The following SETD2 variants were observed in gnomAD, a reference collection of about 807,000 sequenced individuals.
SETD2 encodes SET domain containing 2, histone lysine methyltransferase, also known as histone-lysine N-methyltransferase SETD2.
Under a neutral mutation model 242.1 loss-of-function variants are expected in SETD2, and 31 were observed. That is an observed-to-expected ratio of 0.13 (90% CI 0.10 to 0.17). The LOEUF is 0.17. SETD2 is among the 10% of genes least tolerant of loss of function. The pLI, the probability that SETD2 is intolerant of heterozygous loss-of-function variation, is 1.00. For synonymous variants in SETD2, 1,006 were observed against 1,066.5 expected, an observed-to-expected ratio of 0.94 and a Z score of 1.11; for missense variants, 2,481 against 3,046.3, an observed-to-expected ratio of 0.81 and a Z score of 4.37.
rs1028726034 is a variant in SETD2, at chr3:47,127,982, G to GTC, written c.72-1321_72-1320dup. Among the ~76,000 whole-genome samples the GTC allele has an allele frequency of 5.1e-4, 64 of 125,612 alleles. 1 individual carries two copies. The highest frequency in any genetic ancestry group is 2.2e-4 in the Non-Finnish European group (13 of 60,082). 82.4% of individuals were successfully genotyped at this position (125,612 alleles called of 152,430 possible). On this transcript the variant is annotated intron_variant, in intron 1 of 20. Coordinates refer to ENST00000409792, the MANE Select transcript of SETD2 (RefSeq NM_014159.7). ...AGTCTGAGCAACTGAGTGAAAACCTGTCTCTCTCTCTCACACACACACACA... is the reference window on the plus strand; with the variant it reads ...AGTCTGAGCAACTGAGTGAAAACCTGTCTCTCTCTCTCTCACACACACACACA...
intron 1 of SETD2, among the ~76,000 whole-genome samples, chr3:47,160,034 T>C (rs1213215501): frequency 2.0e-5 from 3 of 152,000 alleles, no homozygotes; most frequent in Non-Finnish European, 4.4e-5. Flanking sequence ...TACACCTTCT[T>C]GCTCATTCCA....
At chr3:47,115,597 G>A (rs1054076388) in intron 4 of SETD2, among the ~76,000 whole-genome samples, 2 of 152,000 alleles carry the variant, frequency 1.3e-5, no homozygotes, top group African/African-American at 4.8e-5. Flanking sequence ...CAAAAATAAG[G>A]TATACTCTTT....
At position 47,046,608 on chromosome 3, in the gene SETD2, G is replaced by A. The variant is rs867369702; in HGVS notation, c.6977C>T (p.Pro2326Leu). 1.9e-6 allele frequency: 3 copies of A among 1,610,740 alleles called. No individual in the cohort carries two copies. The South Asian group carries it at 3.3e-5, about 18-fold the overall frequency. ...TPPIVQSYAQ[P>L]SLQYIQGQQI... ...TTGCCCCTGGATATACTGAAGACTTGGCTGGGCATAACTCTAAAAGATAAA... is the reference window on the plus strand; with the variant it reads ...TTGCCCCTGGATATACTGAAGACTTAGCTGGGCATAACTCTAAAAGATAAA... Residue 2326 changes from proline (P) to leucine (L), a missense_variant, in exon 16 of 21, where the codon CCA becomes CTA. Pro to Leu is a moderately conservative substitution (Grantham distance 98). Transcript: ENST00000409792.
intron 1 of SETD2, among the ~76,000 whole-genome samples, chr3:47,132,131 CTT>C (rs531246872): frequency 2.2e-4 from 28 of 129,524 alleles, no homozygotes; most frequent in Non-Finnish European, 1.5e-4. Context: ...ATACACATAT[CTT>C]TTTTTTTTTT....
chr3:47,070,312 C>T (rs1203631057), intron 12 of SETD2, among the ~76,000 whole-genome samples: 3 of 152,144 alleles, frequency 2.0e-5, no homozygotes, highest in Admixed American at 1.3e-4. Flanking sequence ...TTACTGTGTG[C>T]CTAATCACAT....
At chr3:47,047,540 T>C (rs1575684290) in intron 15 of SETD2, among the ~76,000 whole-genome samples, 1 of 152,238 alleles carries the variant, frequency 6.6e-6, no homozygotes, top group African/African-American at 2.4e-5. Context: ...AAACATCAAA[T>C]GCTAAGTACT....
At chr3:47,053,133 C>G (rs1297761959) in intron 15 of SETD2, among the ~76,000 whole-genome samples, 1 of 152,034 alleles carries the variant, frequency 6.6e-6, no homozygotes. Context: ...GGTGATCTGC[C>G]CACCTTGGCC....
chr3:47,101,959 T>C (rs150613016), intron 7 of SETD2, among the ~76,000 whole-genome samples: 195 of 152,310 alleles, frequency 1.3e-3, no homozygotes, highest in African/African-American at 4.5e-3. Context: ...TATTAACATA[T>C]GTTAAAAGTA....
chr3:47,134,691 A>T (rs1327788499), intron 1 of SETD2, among the ~76,000 whole-genome samples: 1 of 151,610 alleles, frequency 6.6e-6, no homozygotes, highest in African/African-American at 2.4e-5. Flanking sequence ...GTGCAATGGC[A>T]CGATCTTGGC....
intron 1 of SETD2, among the ~76,000 whole-genome samples, chr3:47,137,132 C>G (rs1456414579): frequency 2.0e-5 from 3 of 152,128 alleles, no homozygotes; most frequent in African/African-American, 7.2e-5. Flanking sequence ...CTTTGAGATT[C>G]TCCCATCATT....
At position 47,163,899 on chromosome 3, in the gene SETD2, G is replaced by GGCGGCT. The variant is rs779757186; in HGVS notation, c.20_25dup (p.Gln7_Pro8dup). 107 of 1,316,402 alleles carry GGCGGCT rather than the reference G, an allele frequency of 8.1e-5. No homozygotes were observed. Among genetic ancestry groups the GGCGGCT allele is most frequent in the Middle Eastern group, 2.0e-4 (1 of 4,920 alleles). The allele number at this position is 1,316,402 out of a possible 1,614,324, so 81.5% of individuals were successfully genotyped here. On this transcript the variant is annotated inframe_insertion, in exon 1 of 21. Coordinates refer to ENST00000409792, the MANE Select transcript of SETD2 (RefSeq NM_014159.7). ...GTCGTAGAAATCCCCCATCTTCGGA[G>GGCGGCT]GCGGCTGCGGCTGCAGCTGCTTCAT... is the stretch of plus-strand genomic sequence containing the variant.
intron 13 of SETD2, among the ~76,000 whole-genome samples, chr3:47,063,439 T>A (rs946879012): frequency 6.6e-6 from 1 of 152,124 alleles, no homozygotes; most frequent in Non-Finnish European, 1.5e-5. Context: ...TTTACACCAC[T>A]GCGCTTCAGC....
rs988473653 is a variant in SETD2 at position 47,027,878 on chromosome 3, G to A, written c.7351-8038C>T. Among the ~76,000 whole-genome samples the A allele has an allele frequency of 7.9e-5, 12 of 151,028 alleles. 1 individual carries two copies. In the Middle Eastern group the frequency reaches 0.01, roughly 129 times the overall value. On this transcript the variant is annotated intron_variant, in intron 18 of 20. Coordinates refer to ENST00000409792, the MANE Select transcript of SETD2 (RefSeq NM_014159.7). ...GCGATCTCGGCTCACTGCAACCTCC[G>A]CCTCCCGGGTTCACGCCATTCTCCT...
At chr3:47,021,868 G>A (rs942036691) in intron 18 of SETD2, among the ~76,000 whole-genome samples, 1 of 152,188 alleles carries the variant, frequency 6.6e-6, no homozygotes, top group Non-Finnish European at 1.5e-5. Context: ...AGCAGGTAAG[G>A]CTGGGTGTGG....
intron 9 of SETD2, among the ~76,000 whole-genome samples, chr3:47,090,678 C>A (rs2041765171): frequency 2.0e-5 from 3 of 152,176 alleles, no homozygotes; most frequent in Admixed American, 6.5e-5. Flanking sequence ...CCGTGAGCCA[C>A]TGCGCCCAGC....
At chr3:47,110,349 T>C (rs1451180448) in intron 5 of SETD2, among the ~76,000 whole-genome samples, 1 of 152,204 alleles carries the variant, frequency 6.6e-6, no homozygotes, top group Non-Finnish European at 1.5e-5. Context: ...CAGACAAAAG[T>C]GGCAGTTGCA....
chr3:47,025,834 C>T (rs1409714663), intron 18 of SETD2, among the ~76,000 whole-genome samples: 1 of 152,132 alleles, frequency 6.6e-6, no homozygotes, highest in East Asian at 1.9e-4. Flanking sequence ...AAACATAAGA[C>T]CTAAAACCAT....
At chr3:47,048,067 T>C (rs766156157) in intron 15 of SETD2, among the ~76,000 whole-genome samples, 1 of 152,084 alleles carries the variant, frequency 6.6e-6, no homozygotes, top group Non-Finnish European at 1.5e-5. Flanking sequence ...TATCTAAACA[T>C]GGAAAAGTTA....
chr3:47,146,641 A>AC (rs2043862745), intron 1 of SETD2, among the ~76,000 whole-genome samples: 1 of 151,078 alleles, frequency 6.6e-6, no homozygotes, highest in Non-Finnish European at 1.5e-5. Context: ...AAAAAAAAAA[A>AC]ATTCCTTCAT....
Sources: gnomAD v4.1 joint callset for allele counts (sites outside exome capture counted in the v4.1 genomes callset) on GRCh38, gnomAD v4.1.1 for gene constraint, MANE v1.5 for transcripts, NCBI Gene and HGNC (gene_info 2026-07-23, HGNC 2026-07-21) for gene names.